Variants in CDH12 observed in about 807,000 individuals in gnomAD.
CDH12 encodes the protein cadherin 12, also known as cadherin-12.
CDH12 carries 41 observed loss-of-function variants against 74.1 expected under a neutral mutation model. The observed-to-expected ratio is 0.55, with a 90% CI of 0.43 to 0.72. The LOEUF is 0.72. CDH12 is among the 30% of genes least tolerant of loss of function. The pLI is 0.00. For synonymous variants in CDH12, 399 were observed against 355.0 expected (o/e 1.12, Z -1.39); for missense variants, 945 against 977.2 (o/e 0.97, Z 0.44).
At chr5:22,052,442 TC>T (rs1034297072) in intron 5 of CDH12, among the ~76,000 whole-genome samples, 1 of 152,080 alleles carries the variant, frequency 6.6e-6, no homozygotes, top group African/African-American at 2.4e-5. Flanking sequence ...CTCCCTCTAA[TC>T]CCCTGTTCAT....
chr5:22,727,251 C>T (rs567520712), intron 1 of CDH12, among the ~76,000 whole-genome samples: 10 of 151,810 alleles, frequency 6.6e-5, no homozygotes, highest in African/African-American at 2.4e-4. Flanking sequence ...TCAGACAAAA[C>T]GTTAAGTAGG....
intron 1 of CDH12, among the ~76,000 whole-genome samples, chr5:22,536,607 G>A (rs1737857009): frequency 6.6e-6 from 1 of 152,120 alleles, no homozygotes; most frequent in African/African-American, 2.4e-5. Flanking sequence ...GTAAAATATT[G>A]TTGTACTAAT....
chr5:21,903,069 C>A (rs1753473365), intron 6 of CDH12, among the ~76,000 whole-genome samples: 1 of 151,804 alleles, frequency 6.6e-6, no homozygotes, highest in African/African-American at 2.4e-5. Context: ...TGAAAACAAC[C>A]ATTAGGTGCT....
In CDH12 at chr5:22,117,488, ATT is replaced by A. The variant is rs1491139398; in HGVS notation, c.-186-38628_-186-38627del. Among the ~76,000 whole-genome samples the A allele has an allele frequency of 5.5e-3, 259 of 47,004 alleles. 5 individuals are homozygous for A. The highest frequency in any genetic ancestry group is 0.016 in the African/African-American group (194 of 11,880). The allele number at this position is 47,004 out of a possible 152,430, so 30.8% of individuals were successfully genotyped here. ...TATATAATATATATATTATATATAT[ATT>A]ATATATATATAATATATATATAATA... On this transcript the variant is annotated intron_variant, in intron 4 of 14. Coordinates refer to ENST00000382254, the MANE Select transcript of CDH12 (RefSeq NM_004061.5).
chr5:21,780,642 A>T (rs1745855163), intron 11 of CDH12, among the ~76,000 whole-genome samples: 1 of 152,214 alleles, frequency 6.6e-6, no homozygotes, highest in African/African-American at 2.4e-5. Flanking sequence ...CAACATGTTT[A>T]TGATAAGTAG....
intron 10 of CDH12, among the ~76,000 whole-genome samples, chr5:21,791,045 C>G (rs553032608): frequency 6.6e-6 from 1 of 152,078 alleles, no homozygotes; most frequent in Admixed American, 6.6e-5. Flanking sequence ...TCCAACAAAG[C>G]TTTATATCTT....
At chr5:22,358,536 G>A (rs1740663655) in intron 3 of CDH12, among the ~76,000 whole-genome samples, 1 of 152,174 alleles carries the variant, frequency 6.6e-6, no homozygotes, top group Non-Finnish European at 1.5e-5. Context: ...TGGAGTGACA[G>A]GCATCTGGAT....
chr5:22,589,482 T>C (rs2079231917), intron 1 of CDH12, among the ~76,000 whole-genome samples: 1 of 152,202 alleles, frequency 6.6e-6, no homozygotes, highest in African/African-American at 2.4e-5. Context: ...TTCACTTTCC[T>C]TTTTTGTTGA....
chr5:22,586,172 G>A (rs900215309), intron 1 of CDH12, among the ~76,000 whole-genome samples: 5 of 152,124 alleles, frequency 3.3e-5, no homozygotes, highest in African/African-American at 1.2e-4. Context: ...AAAAAATGAT[G>A]AGTTCATGTC....
At chr5:22,570,676 TG>T in intron 1 of CDH12, among the ~76,000 whole-genome samples, 1 of 111,044 alleles carries the variant, frequency 9.0e-6, no homozygotes, top group Non-Finnish European at 2.1e-5. Context: ...AGGGTGAATT[TG>T]AAATGATATT....
intron 3 of CDH12, among the ~76,000 whole-genome samples, chr5:22,294,826 C>T (rs1737554718): frequency 6.6e-6 from 1 of 152,156 alleles, no homozygotes; most frequent in African/African-American, 2.4e-5. Flanking sequence ...AGAAAATTTG[C>T]AACTATTTAT....
intron 3 of CDH12, among the ~76,000 whole-genome samples, chr5:22,342,828 GTCTC>G (rs1239381118): frequency 3.2e-5 from 4 of 123,206 alleles, no homozygotes; most frequent in South Asian, 2.6e-4. Context: ...TTCTCTCTCT[GTCTC>G]TCTTTCTGTC....
rs1356552678 is a variant in CDH12 at position 22,717,520 on chromosome 5, A to G, written c.-523+135538T>C. Among the ~76,000 whole-genome samples, 4 of 152,204 alleles carry G rather than the reference A, an allele frequency of 2.6e-5. No individual in the cohort carries two copies. The South Asian group carries it at 6.2e-4, about 24-fold the overall frequency. Reference sequence around the variant, plus strand: ...CATATACCTCTCATTAAGTGATGGCATATCTGTATAGGCAAGTGGAGTATA... The same window carrying G: ...CATATACCTCTCATTAAGTGATGGCGTATCTGTATAGGCAAGTGGAGTATA... On this transcript the variant is annotated intron_variant, in intron 1 of 14. Coordinates refer to ENST00000382254, the MANE Select transcript of CDH12 (RefSeq NM_004061.5).
At chr5:21,994,777 C>T (rs1736171768) in intron 5 of CDH12, among the ~76,000 whole-genome samples, 1 of 152,132 alleles carries the variant, frequency 6.6e-6, no homozygotes, top group Admixed American at 6.6e-5. Flanking sequence ...GTAAACACAC[C>T]AATCAGCGTT....
At chr5:22,580,962 G>A (rs1740066924) in intron 1 of CDH12, 1 of 158,760 alleles carries the variant, frequency 6.3e-6, no homozygotes, top group African/African-American at 2.4e-5. Flanking sequence ...GCAATCAAGA[G>A]TTGACTTGGG....
At chr5:22,748,978 A>G (rs1745425139) in intron 1 of CDH12, among the ~76,000 whole-genome samples, 1 of 152,146 alleles carries the variant, frequency 6.6e-6, no homozygotes, top group Admixed American at 6.5e-5. Flanking sequence ...GTATAGTACA[A>G]AAGGCCTATG....
chr5:22,315,941 C>T (rs1341259133), intron 3 of CDH12, among the ~76,000 whole-genome samples: 2 of 151,916 alleles, frequency 1.3e-5, no homozygotes, highest in African/African-American at 4.8e-5. Context: ...ACCTGTCTTA[C>T]TCTATAATGT....
chr5:21,818,881 A>T (rs890136225), intron 8 of CDH12, among the ~76,000 whole-genome samples: 1 of 152,038 alleles, frequency 6.6e-6, no homozygotes, highest in African/African-American at 2.4e-5. Flanking sequence ...TTACATAGAT[A>T]TTATGAAGGA....
intron 1 of CDH12, among the ~76,000 whole-genome samples, chr5:22,544,257 CT>C (rs1738222838): frequency 6.6e-6 from 1 of 152,032 alleles, no homozygotes; most frequent in African/African-American, 2.4e-5. Context: ...ATGGTGACTC[CT>C]GTTGTTTACA....
Sources: gnomAD v4.1 joint callset for allele counts (sites outside exome capture counted in the v4.1 genomes callset) on GRCh38, gnomAD v4.1.1 for gene constraint, MANE v1.5 for transcripts, NCBI Gene and HGNC (gene_info 2026-07-23, HGNC 2026-07-21) for gene names.